The following LEKR1 variants were observed in gnomAD, a reference collection of about 807,000 sequenced individuals.
LEKR1 encodes leucine, glutamate and lysine rich 1.
In LEKR1, 59 loss-of-function variants were observed where a neutral mutation model predicts 72.4. The ratio of observed to expected loss-of-function variants is 0.82; its 90% CI spans 0.66 to 1.01. The LOEUF is 1.01. Among genes scored for constraint, LEKR1 ranks in the 50% least tolerant of loss-of-function variants. LEKR1 has a pLI of 0.00. For synonymous variants in LEKR1, 257 were observed against 263.2 expected (o/e 0.98, Z 0.23); for missense variants, 728 against 759.2 (o/e 0.96, Z 0.48).
At chr3:157,026,721 T>A (rs1387013347) in intron 11 of LEKR1, among the ~76,000 whole-genome samples, 3 of 152,246 alleles carry the variant, frequency 2.0e-5, no homozygotes, top group African/African-American at 7.2e-5. Context: ...GGTCTGTGAA[T>A]GTTTTCCAGA....
chr3:156,937,143 A>C (rs1388645890), intron 5 of LEKR1, among the ~76,000 whole-genome samples: 1 of 151,284 alleles, frequency 6.6e-6, no homozygotes, highest in African/African-American at 2.4e-5. Context: ...ACATTGCAAA[A>C]CCCTGTCCTA....
At chr3:156,968,943 A>G (rs1209353978) in intron 6 of LEKR1, among the ~76,000 whole-genome samples, 5 of 152,236 alleles carry the variant, frequency 3.3e-5, no homozygotes, top group Non-Finnish European at 7.3e-5. Context: ...ACCACAGTGC[A>G]ATCAAACTAG....
At chr3:156,997,064 TA>T (rs200535143) in intron 9 of LEKR1, among the ~76,000 whole-genome samples, 21,569 of 139,798 alleles carry the variant, frequency 0.15, 1,858 homozygotes, top group African/African-American at 0.27. Context: ...AAACTTCATT[TA>T]AAAAAAAAAA....
rs567897650 is a variant in LEKR1, at chr3:156,912,000, C to T, written c.264-8575C>T. Reference sequence around the variant, plus strand: ...GGCTATTAGGGCTCTTTTTTTATTCCATGTAAATTTTAGGATTTTTTTTCT... The same window carrying T: ...GGCTATTAGGGCTCTTTTTTTATTCTATGTAAATTTTAGGATTTTTTTTCT... On this transcript the variant is annotated intron_variant, in intron 3 of 12. Transcript: ENST00000356539. 2.7e-4 allele frequency among the ~76,000 whole-genome samples: 41 copies of T among 151,790 alleles called. No homozygotes were observed. In the South Asian group the frequency reaches 8.6e-3, roughly 32 times the overall value.
At chr3:156,956,564 A>G (rs1727655710) in intron 6 of LEKR1, among the ~76,000 whole-genome samples, 2 of 152,060 alleles carry the variant, frequency 1.3e-5, no homozygotes, top group African/African-American at 4.8e-5. Context: ...ACCAAAGGAA[A>G]TAAACATTAC....
At chr3:156,989,936 A>C (rs942163465) in intron 7 of LEKR1, among the ~76,000 whole-genome samples, 1 of 152,180 alleles carries the variant, frequency 6.6e-6, no homozygotes, top group Non-Finnish European at 1.5e-5. Flanking sequence ...CAGCCTAATC[A>C]GTGTCATAAA....
At chr3:156,833,775 G>C (rs1469299888) in intron 2 of LEKR1, among the ~76,000 whole-genome samples, 1 of 152,016 alleles carries the variant, frequency 6.6e-6, no homozygotes, top group Non-Finnish European at 1.5e-5. Context: ...AATACTTACT[G>C]TTATAAAATA....
intron 3 of LEKR1, among the ~76,000 whole-genome samples, chr3:156,864,960 C>A (rs1717148508): frequency 6.6e-6 from 1 of 151,924 alleles, no homozygotes; most frequent in South Asian, 2.1e-4. Context: ...TTTATTCAGC[C>A]CTGAAGCTTT....
At chr3:156,974,500 C>T (rs2107994994) in intron 6 of LEKR1, among the ~76,000 whole-genome samples, 1 of 152,154 alleles carries the variant, frequency 6.6e-6, no homozygotes, top group East Asian at 1.9e-4. Context: ...TCACCTCCAG[C>T]TGCAATTCAG....
intron 3 of LEKR1, among the ~76,000 whole-genome samples, chr3:156,859,331 A>G (rs1009426898): frequency 6.6e-6 from 1 of 152,240 alleles, no homozygotes; most frequent in African/African-American, 2.4e-5. Context: ...TGTTTTGCTG[A>G]TATAGAATAT....
chr3:156,858,278 A>C (rs7639514), intron 3 of LEKR1, among the ~76,000 whole-genome samples: 35,839 of 152,008 alleles, frequency 0.24, 6,410 homozygotes, highest in African/African-American at 0.5. Context: ...AGAGAGAGAG[A>C]GAGCTTTTTT....
chr3:156,925,745 A>T (rs1046952420), intron 4 of LEKR1, among the ~76,000 whole-genome samples: 32 of 152,104 alleles, frequency 2.1e-4, no homozygotes, highest in East Asian at 3.9e-4. Context: ...CTCACTTTTT[A>T]AAAAAATTAA....
At position 156,972,194 on chromosome 3, in the gene LEKR1, A is replaced by T. The variant is rs1729265381; in HGVS notation, c.746-7000A>T. Among the ~76,000 whole-genome samples the T allele has an allele frequency of 2.0e-5, 3 of 152,292 alleles. No individual in the cohort carries two copies. In the South Asian group the frequency reaches 6.2e-4, roughly 32 times the overall value. On this transcript the variant is annotated intron_variant, in intron 6 of 12. Transcript: ENST00000356539. ...GGATGAGTTCATGTCCTTTGTAGGT[A>T]CATGGATGAAGCTGGAAACCATCAT...
rs751300196 is a variant in LEKR1, at chr3:157,046,037, A to T, written c.*287A>T. 1.0e-5 allele frequency: 3 copies of T among 291,106 alleles called. No homozygotes were observed. Among genetic ancestry groups the T allele is most frequent in the Non-Finnish European group, 6.4e-6 (1 of 157,306 alleles). The allele number at this position is 291,106 out of a possible 1,614,324, so 18.0% of individuals were successfully genotyped here. On this transcript the variant is annotated 3_prime_UTR_variant, in exon 13 of 13. Transcript: ENST00000356539. ...CTATGAATATAGCCTTTTAGAGATC[A>T]CAGGTAAAATTTTTCACCCATAACA... is the stretch of plus-strand genomic sequence containing the variant.
intron 5 of LEKR1, among the ~76,000 whole-genome samples, chr3:156,930,583 A>T (rs1436024045): frequency 6.6e-6 from 1 of 152,186 alleles, no homozygotes; most frequent in Non-Finnish European, 1.5e-5. Context: ...AAATACAGAA[A>T]CATGTAGCTA....
At chr3:156,973,314 A>G (rs1256505651) in intron 6 of LEKR1, among the ~76,000 whole-genome samples, 7 of 152,130 alleles carry the variant, frequency 4.6e-5, no homozygotes, top group African/African-American at 1.7e-4. Context: ...CTTAGGGTAT[A>G]GTACCTGGTA....
At chr3:156,985,370 G>A (rs987249906) in intron 7 of LEKR1, among the ~76,000 whole-genome samples, 4 of 152,146 alleles carry the variant, frequency 2.6e-5, no homozygotes, top group African/African-American at 7.2e-5. Context: ...ACATCTGGGA[G>A]GAAGGAGATC....
Position 157,035,608 on chromosome 3 carries a change from G to A in LEKR1, c.1668+7206G>A, listed in dbSNP as rs991044525. On this transcript the variant is annotated intron_variant, in intron 12 of 12. Coordinates refer to ENST00000356539, the MANE Select transcript of LEKR1 (RefSeq NM_001004316.3). ...TCTGGAGAAATGAGCTGCCTCAAAA[G>A]ATAACACCAGCCTGGCAGAGTGGCT... Among the ~76,000 whole-genome samples, 3 of 152,116 alleles carry A rather than the reference G, an allele frequency of 2.0e-5. No homozygotes were observed. In the South Asian group the frequency reaches 6.2e-4, roughly 32 times the overall value.
intron 5 of LEKR1, among the ~76,000 whole-genome samples, chr3:156,938,338 T>C (rs1457150744): frequency 6.6e-6 from 1 of 152,204 alleles, no homozygotes; most frequent in African/African-American, 2.4e-5. Context: ...TCTGTAAATT[T>C]ATACTTATTT....
Sources: allele counts gnomAD v4.1 joint callset (sites outside exome capture counted in the v4.1 genomes callset), GRCh38; gene constraint gnomAD v4.1.1; transcripts MANE v1.5; gene names NCBI Gene and HGNC (gene_info 2026-07-23, HGNC 2026-07-21).